Variants in B3GAT2 observed in about 807,000 individuals in gnomAD.
B3GAT2 encodes the protein beta-1,3-glucuronyltransferase 2.
In B3GAT2, 26 loss-of-function variants were observed where a neutral mutation model predicts 27.8. That is an observed-to-expected ratio of 0.93 (90% CI 0.68 to 1.30). The LOEUF is 1.30. B3GAT2 is among the 50% of genes most tolerant of loss of function. The pLI is 0.00. For synonymous variants in B3GAT2, 218 were observed against 195.1 expected, an observed-to-expected ratio of 1.12 and a Z score of -0.98; for missense variants, 458 against 459.0, an observed-to-expected ratio of 1.00 and a Z score of 0.02.
chr6:70,917,571 T>G (rs1455282206), intron 1 of B3GAT2, among the ~76,000 whole-genome samples: 1 of 152,230 alleles, frequency 6.6e-6, no homozygotes, highest in Non-Finnish European at 1.5e-5. Flanking sequence ...GCTTTAAATG[T>G]TTCTCAGAGA....
chr6:70,923,756 TGC>T (rs1184106391), intron 1 of B3GAT2, among the ~76,000 whole-genome samples: 1 of 152,260 alleles, frequency 6.6e-6, no homozygotes, highest in Non-Finnish European at 1.5e-5. Flanking sequence ...AATTTGTGTG[TGC>T]TATTCTTATA....
chr6:70,915,253 G>T (rs910847126), intron 1 of B3GAT2, among the ~76,000 whole-genome samples: 4 of 149,160 alleles, frequency 2.7e-5, no homozygotes, highest in African/African-American at 9.8e-5. Context: ...TGATGCAGTG[G>T]TTTTTTTTTT....
chr6:70,929,129 A>C (rs1384824389), intron 1 of B3GAT2, among the ~76,000 whole-genome samples: 1 of 151,696 alleles, frequency 6.6e-6, no homozygotes, highest in Non-Finnish European at 1.5e-5. Flanking sequence ...CAAACACCGC[A>C]TGTTCTCACT....
chr6:70,886,820 A>AT (rs768675911), intron 2 of B3GAT2, among the ~76,000 whole-genome samples: 38 of 152,310 alleles, frequency 2.5e-4, no homozygotes, highest in Admixed American at 9.2e-4. Flanking sequence ...CTAGAAATAG[A>AT]TTAAAAACTG....
chr6:70,898,329 C>T (rs1772428352), intron 1 of B3GAT2, among the ~76,000 whole-genome samples: 5 of 152,118 alleles, frequency 3.3e-5, no homozygotes, highest in Admixed American at 3.3e-4. Context: ...TATCCTAGAT[C>T]TTCCCCATAG....
intron 1 of B3GAT2, among the ~76,000 whole-genome samples, chr6:70,947,362 A>T (rs937322303): frequency 1.3e-5 from 2 of 152,204 alleles, no homozygotes; most frequent in African/African-American, 4.8e-5. Flanking sequence ...AAAAGAGAGA[A>T]AAATCAAATA....
chr6:70,896,499 C>T (rs971420279), intron 1 of B3GAT2, among the ~76,000 whole-genome samples: 1 of 152,162 alleles, frequency 6.6e-6, no homozygotes, highest in East Asian at 1.9e-4. Flanking sequence ...ACACACCCAG[C>T]ACCCCCAAAA....
chr6:70,929,332 A>T (rs2150045120), intron 1 of B3GAT2, among the ~76,000 whole-genome samples: 1 of 152,260 alleles, frequency 6.6e-6, no homozygotes, highest in South Asian at 2.1e-4. Context: ...TGTACCCTAG[A>T]ACTTAAAGTA....
At chr6:70,872,577 G>A (rs1771955269) in intron 2 of B3GAT2, among the ~76,000 whole-genome samples, 1 of 112,244 alleles carries the variant, frequency 8.9e-6, no homozygotes, top group South Asian at 2.7e-4. Flanking sequence ...CAATTTATTT[G>A]TGTCTTTGAA....
rs148340543 is a variant in B3GAT2, at chr6:70,926,727, A to G, written c.591+29112T>C. 8.3e-3 allele frequency among the ~76,000 whole-genome samples: 1,269 copies of G among 152,360 alleles called. 11 individuals carry two copies. The highest frequency in any genetic ancestry group is 0.024 in the Middle Eastern group (7 of 294). On this transcript the variant is annotated intron_variant, in intron 1 of 3. Transcript: ENST00000230053. ...GGTGTACCTGAAAGTGACGGGGAGA[A>G]TGGAACCAAGTTGGAAAACACTCTT...
chr6:70,924,219 A>T (rs1436946636), intron 1 of B3GAT2, among the ~76,000 whole-genome samples: 1 of 152,248 alleles, frequency 6.6e-6, no homozygotes, highest in Admixed American at 6.5e-5. Context: ...GGCAAAAACC[A>T]TATACACTAA....
At chr6:70,874,926 A>G (rs1256381630) in intron 2 of B3GAT2, among the ~76,000 whole-genome samples, 4 of 151,956 alleles carry the variant, frequency 2.6e-5, no homozygotes, top group Non-Finnish European at 5.9e-5. Flanking sequence ...GCTACCATGG[A>G]GGAAATGGAG....
intron 1 of B3GAT2, among the ~76,000 whole-genome samples, chr6:70,935,944 A>C (rs1227448087): frequency 6.6e-6 from 1 of 151,846 alleles, no homozygotes; most frequent in Non-Finnish European, 1.5e-5. Flanking sequence ...TCCAATTAAA[A>C]GACACAGACT....
At chr6:70,917,076 A>T (rs1772785540) in intron 1 of B3GAT2, among the ~76,000 whole-genome samples, 1 of 151,976 alleles carries the variant, frequency 6.6e-6, no homozygotes, top group Non-Finnish European at 1.5e-5. Context: ...CAATTTCAGA[A>T]GCTGTCACTG....
chr6:70,916,425 C>G (rs1174122803), intron 1 of B3GAT2, among the ~76,000 whole-genome samples: 3 of 152,172 alleles, frequency 2.0e-5, no homozygotes, highest in African/African-American at 7.2e-5. Flanking sequence ...GCCAGAACTT[C>G]CAACACGATG....
chr6:70,858,484 T>C lies in B3GAT2; in HGVS notation c.*3179A>G, dbSNP rs568033340. 6 of 323,482 alleles carry C rather than the reference T, an allele frequency of 1.9e-5. No homozygotes were observed. In the South Asian group the frequency reaches 2.3e-4, roughly 13 times the overall value. The allele number at this position is 323,482 out of a possible 1,614,324, so 20.0% of individuals were successfully genotyped here. On this transcript the variant is annotated 3_prime_UTR_variant, in exon 4 of 4. Transcript: ENST00000230053. The stretch of plus-strand genomic sequence containing the variant: ...AAACATCTTTCATTTCAAATTGTAA[T>C]GTAACTGTAACGTGAACACCACTAA...
intron 1 of B3GAT2, among the ~76,000 whole-genome samples, chr6:70,921,597 T>C (rs754425580): frequency 4.9e-4 from 75 of 152,338 alleles, no homozygotes; most frequent in South Asian, 8.3e-4. Context: ...ATTCTATCTC[T>C]GTCATTTCAG....
intron 2 of B3GAT2, among the ~76,000 whole-genome samples, chr6:70,881,251 C>T (rs1390029197): frequency 6.6e-6 from 1 of 152,172 alleles, no homozygotes; most frequent in Non-Finnish European, 1.5e-5. Flanking sequence ...AATCCTTGCT[C>T]TCCAATGACT....
At chr6:70,913,560 A>C (rs1184165484) in intron 1 of B3GAT2, among the ~76,000 whole-genome samples, 1 of 152,198 alleles carries the variant, frequency 6.6e-6, no homozygotes, top group African/African-American at 2.4e-5. Flanking sequence ...GCCATGGTCC[A>C]AGAGTGTGGT....
Sources: allele counts gnomAD v4.1 joint callset (sites outside exome capture counted in the v4.1 genomes callset), GRCh38; gene constraint gnomAD v4.1.1; transcripts MANE v1.5; gene names NCBI Gene and HGNC (gene_info 2026-07-23, HGNC 2026-07-21).